The following CASKIN1 variants were observed in gnomAD, a reference collection of about 807,000 sequenced individuals.
CASKIN1 encodes the protein CASK interacting protein 1, also known as caskin-1.
A neutral mutation model predicts 117.5 loss-of-function variants in CASKIN1; 42 were observed. The ratio of observed to expected loss-of-function variants is 0.36; its 90% confidence interval spans 0.28 to 0.46. The LOEUF is 0.46. Ranked by LOEUF, CASKIN1 falls within the 20% of genes least tolerant of loss-of-function variation. CASKIN1 has a pLI of 1.00. For synonymous variants in CASKIN1, 1,148 were observed against 961.7 expected, an observed-to-expected ratio of 1.19 and a Z score of -3.59; for missense variants, 2,083 against 2,077.3, an observed-to-expected ratio of 1.00 and a Z score of -0.05.
At chr16:2,190,782 G>C (rs1335914605) in intron 1 of CASKIN1, among the ~76,000 whole-genome samples, 1 of 152,224 alleles carries the variant, frequency 6.6e-6, no homozygotes, top group East Asian at 1.9e-4. Context: ...TGGGGCCGGG[G>C]GTGGCCAGGG....
rs954391848 is a variant in CASKIN1 at position 2,181,517 on chromosome 16, G to T, written c.1851C>A (p.Pro617=). 3 of 1,608,038 alleles carry T rather than the reference G, an allele frequency of 1.9e-6. No individual in the cohort carries two copies. ...KAEYAKYEGG[P]LRRKAPQSLE... ...GAGACTGGGGCGCCTTCCGGCGCAG[G>T]GGGCCCCCCTCATACTTGGCGTATT... The change falls in exon 18 of 20, where the codon CCC becomes CCA. Residue 617 remains proline (P), a synonymous_variant. Coordinates refer to ENST00000343516, the MANE Select transcript of CASKIN1 (RefSeq NM_020764.4).
Position 2,179,481 on chromosome 16 carries a change from C to G in CASKIN1, c.3775+112G>C, listed in dbSNP as rs2093158850. ...GATGAGAGGGTCTGGGGACACGTTC[C>G]CACCCCACCTGGGCTTCCATCAAAC... On this transcript the variant is annotated intron_variant, in intron 18 of 19. Coordinates refer to ENST00000343516, the MANE Select transcript of CASKIN1 (RefSeq NM_020764.4). This position sits in a 1 kb window ranked among gnomAD's most constrained non-coding sequence, Gnocchi z 5.8. 7.2e-7 allele frequency: 1 copy of G among 1,391,942 alleles called. No individual in the cohort carries two copies. The highest frequency in any genetic ancestry group is 1.5e-5 in the African/African-American group (1 of 66,320). The allele number at this position is 1,391,942 out of a possible 1,614,324, so 86.2% of individuals were successfully genotyped here.
Position 2,177,423 on chromosome 16 carries a change from A to ATT in CASKIN1, c.*1125_*1126dup. On this transcript the variant is annotated 3_prime_UTR_variant, in exon 20 of 20. Coordinates refer to ENST00000343516, the MANE Select transcript of CASKIN1 (RefSeq NM_020764.4). The stretch of plus-strand genomic sequence containing the variant: ...ATCGCTGGTTTTCGGCATTTTTTAA[A>ATT]TTTTTTTTTTAAGAAACGTCAAAGT... 1 of 224,840 alleles carries ATT rather than the reference A, an allele frequency of 4.4e-6. No homozygotes were observed. The highest frequency in any genetic ancestry group is 8.9e-6 in the Non-Finnish European group (1 of 112,958). The allele number at this position is 224,840 out of a possible 1,614,324, so 13.9% of individuals were successfully genotyped here.
At chr16:2,191,130 C>G (rs1003082862) in intron 1 of CASKIN1, among the ~76,000 whole-genome samples, 1 of 152,330 alleles carries the variant, frequency 6.6e-6, no homozygotes, top group South Asian at 2.1e-4. Context: ...TTGGGCCAAA[C>G]CCCCGCCTAT....
At chr16:2,193,928 G>A (rs1363828893) in intron 1 of CASKIN1, among the ~76,000 whole-genome samples, 1 of 152,328 alleles carries the variant, frequency 6.6e-6, no homozygotes, top group South Asian at 2.1e-4. Flanking sequence ...CTGGAAACGG[G>A]TTCTCTGGAT....
At position 2,180,221 on chromosome 16, in the gene CASKIN1, G is replaced by C. The variant is rs766401625; in HGVS notation, c.3147C>G (p.His1049Gln). The C allele has an allele frequency of 3.9e-6, 6 of 1,551,100 alleles. No individual in the cohort carries two copies. Among genetic ancestry groups the C allele is most frequent in the Non-Finnish European group, 4.4e-6 (5 of 1,148,180 alleles). The change falls in exon 18 of 20, where the codon CAC (histidine) becomes CAG (glutamine). Residue 1049 changes from histidine (H) to glutamine (Q), a missense_variant. Transcript: ENST00000343516. ...CCCCGCCAGGCCCGATGGCCTCTTT[G>C]TGTTTCACTGAGGCCAGCACGGTGG... ...RVATVLASVK[H>Q]KEAIGPGGEV...
intron 1 of CASKIN1, among the ~76,000 whole-genome samples, chr16:2,191,827 C>G (rs2093202397): frequency 1.3e-5 from 2 of 152,268 alleles, no homozygotes; most frequent in Non-Finnish European, 2.9e-5. Flanking sequence ...CCAGACATCC[C>G]CAGAGCACAC....
chr16:2,189,386 G>A (rs544824921), intron 4 of CASKIN1, 33 bp downstream of exon 4: 4 of 1,609,192 alleles, frequency 2.5e-6, no homozygotes, highest in East Asian at 2.2e-5. Flanking sequence ...GCGCTGCCCC[G>A]CCCCCGCTGC....
chr16:2,188,921 C>G lies in CASKIN1; in HGVS notation c.617+106G>C, dbSNP rs188277594. On this transcript the variant is annotated intron_variant, in intron 6 of 19. Transcript: ENST00000343516. The stretch of plus-strand genomic sequence containing the variant: ...GCCTGACCAGGGACCTGGGACCCTG[C>G]CTGCTCCCGCCCTATCCCCAAGCCA... 4.5e-4 allele frequency: 661 copies of G among 1,477,460 alleles called. 7 individuals carry two copies. In the East Asian group the frequency reaches 0.012, roughly 27 times the overall value. The allele number at this position is 1,477,460 out of a possible 1,614,324, so 91.5% of individuals were successfully genotyped here. A position where few individuals can be genotyped will look rare whatever the true frequency, so the allele number is the denominator to read the frequency against.
rs200980348 is a variant in CASKIN1, at chr16:2,181,973, G to A, written c.1630-44C>T. 113 of 1,606,148 alleles carry A rather than the reference G, an allele frequency of 7.0e-5. No homozygotes were observed. The African/African-American group carries it at 1.3e-3, about 19-fold the overall frequency. ...GAGGAGCCACCTGGGCTGGCTGCCC[G>A]CACCCTGCCCATCTACCTGGAGCTG... On this transcript the variant is annotated intron_variant, in intron 16 of 19. Coordinates refer to ENST00000343516, the MANE Select transcript of CASKIN1 (RefSeq NM_020764.4).
chr16:2,177,351 G>T lies in CASKIN1; in HGVS notation c.*1199C>A. ...GAGACAGCAGGAAGGGGCCCTGCACGCCGGGACGCCACCTCCGCCAGCCGC... is the reference window on the plus strand; with the variant it reads ...GAGACAGCAGGAAGGGGCCCTGCACTCCGGGACGCCACCTCCGCCAGCCGC... On this transcript the variant is annotated 3_prime_UTR_variant, in exon 20 of 20. Coordinates refer to ENST00000343516, the MANE Select transcript of CASKIN1 (RefSeq NM_020764.4). 1 of 233,880 alleles carries T rather than the reference G, an allele frequency of 4.3e-6. No homozygotes were observed. The allele number at this position is 233,880 out of a possible 1,614,324, so 14.5% of individuals were successfully genotyped here. A position where few individuals can be genotyped will look rare whatever the true frequency, so the allele number is the denominator to read the frequency against.
chr16:2,196,253 CT>C lies in CASKIN1; in HGVS notation c.94+85del. 2.1e-6 allele frequency: 1 copy of C among 484,772 alleles called. No individual in the cohort carries two copies. Among genetic ancestry groups the C allele is most frequent in the Non-Finnish European group, 2.9e-6 (1 of 341,912 alleles). 30.0% of individuals were successfully genotyped at this position (484,772 alleles called of 1,614,324 possible). The stretch of plus-strand genomic sequence containing the variant: ...GCCCCCGGGGACCCGACAACGTCCC[CT>C]CCCCGCCCGGCGCCGGGTGGGGGGC... On this transcript the variant is annotated intron_variant, in intron 1 of 19. Transcript: ENST00000343516. This position sits in a 1 kb window ranked among gnomAD's most constrained non-coding sequence, Gnocchi z 5.7.
intron 14 of CASKIN1, 108 bp downstream of exon 14, chr16:2,184,669 C>G: frequency 5.1e-6 from 5 of 971,498 alleles, no homozygotes; most frequent in Non-Finnish European, 7.1e-6. Context: ...GGCAATGCCC[C>G]CGACCCCGCC....
rs1329010454 is a variant in CASKIN1, at chr16:2,185,113, T to C, written c.1237A>G (p.Lys413Glu). 1.9e-6 allele frequency: 3 copies of C among 1,609,340 alleles called. No homozygotes were observed. The South Asian group carries it at 3.3e-5, about 18-fold the overall frequency. Residue 413 changes from lysine to glutamate, a missense_variant and splice_region_variant, in exon 12 of 20, where the codon AAG (lysine) becomes GAG (glutamate). Transcript: ENST00000343516. ...HALHAGSEGV[K>E]LLATVLSQKS... ...GCCCTGGCCACTACCCCACCTACCTTGACGCCTTCAGAGCCCGCGTGTAGG... is the reference window on the plus strand; with the variant it reads ...GCCCTGGCCACTACCCCACCTACCTCGACGCCTTCAGAGCCCGCGTGTAGG...
intron 1 of CASKIN1, among the ~76,000 whole-genome samples, chr16:2,191,187 G>A (rs531145915): frequency 1.3e-5 from 2 of 152,328 alleles, no homozygotes; most frequent in East Asian, 3.9e-4. Flanking sequence ...CACTCTGAGA[G>A]GGGAGCTGGC....
intron 1 of CASKIN1, among the ~76,000 whole-genome samples, chr16:2,195,013 G>A (rs1480498674): frequency 1.3e-5 from 2 of 152,228 alleles, no homozygotes; most frequent in Non-Finnish European, 2.9e-5. Context: ...AGCTGGAGTT[G>A]TCTGTGTCCA....
intron 19 of CASKIN1, 41 bp downstream of exon 19, chr16:2,178,861 G>A: frequency 3.0e-6 from 4 of 1,319,046 alleles, no homozygotes. Context: ...CATCTCTGCC[G>A]AGCCCCGCCC....
Position 2,186,837 on chromosome 16 carries a change from G to C in CASKIN1, c.931-13C>G, listed in dbSNP as rs1375590590. 6.2e-7 allele frequency: 1 copy of C among 1,612,176 alleles called. No homozygotes were observed. Among genetic ancestry groups the C allele is most frequent in the South Asian group, 1.1e-5 (1 of 91,024 alleles). ...GCTGCTCGAGGACCTGGCCAGTAAG[G>C]TGGGGGGCGCTCAGGGAGATGCCCC... On this transcript the variant is annotated splice_polypyrimidine_tract_variant and intron_variant, in intron 9 of 19. Transcript: ENST00000343516.
In CASKIN1 at chr16:2,182,795, G is replaced by C. The variant is rs555667241; in HGVS notation, c.1629+851C>G. On this transcript the variant is annotated intron_variant, in intron 16 of 19. Transcript: ENST00000343516. The surrounding 1 kb of genome is among the most constrained non-coding windows in gnomAD (Gnocchi z 4.1). Reference sequence around the variant, plus strand: ...CCCACTGCACAGGCACCTCCCTGTTGTTTTGCTTTGTTTGAGACGGAGCCT... The same window carrying C: ...CCCACTGCACAGGCACCTCCCTGTTCTTTTGCTTTGTTTGAGACGGAGCCT... 3.0e-4 allele frequency among the ~76,000 whole-genome samples: 46 copies of C among 152,348 alleles called. No homozygotes were observed. Among genetic ancestry groups the C allele is most frequent in the African/African-American group, 9.9e-4 (41 of 41,568 alleles).
Sources: gnomAD v4.1 joint callset for allele counts (sites outside exome capture counted in the v4.1 genomes callset) on GRCh38, gnomAD v4.1.1 for gene constraint, Gnocchi (gnomAD v3.1) non-coding constraint, MANE v1.5 for transcripts, NCBI Gene and HGNC (gene_info 2026-07-23, HGNC 2026-07-21) for gene names.